Variants in CTNNA3 observed in about 807,000 individuals in gnomAD.
CTNNA3 encodes the protein catenin alpha-3.
Under a neutral mutation model 95.7 loss-of-function variants are expected in CTNNA3, and 76 were observed. The ratio of observed to expected loss-of-function variants is 0.79; its 90% CI spans 0.66 to 0.96. The LOEUF is 0.96. CTNNA3 is among the 40% of genes least tolerant of loss of function. The pLI, the probability that CTNNA3 is intolerant of heterozygous loss-of-function variation, is 0.00. For missense variants in CTNNA3, 1,191 were observed against 1,089.8 expected (o/e 1.09, Z -1.31); for synonymous variants, 431 against 374.4 (o/e 1.15, Z -1.74).
chr10:66,274,234 G>GA (rs1217018967), intron 13 of CTNNA3, among the ~76,000 whole-genome samples: 2 of 113,234 alleles, frequency 1.8e-5, no homozygotes, highest in Non-Finnish European at 3.4e-5. Context: ...GTTTCAATAT[G>GA]ATTTATGGAC....
chr10:67,660,276 T>C (rs575674941), intron 1 of CTNNA3, among the ~76,000 whole-genome samples: 5 of 152,320 alleles, frequency 3.3e-5, no homozygotes, highest in Non-Finnish European at 1.5e-5. Context: ...AAATATCCTC[T>C]CTATAGGAAA....
intron 9 of CTNNA3, among the ~76,000 whole-genome samples, chr10:66,629,688 C>G (rs914391204): frequency 6.6e-6 from 1 of 152,018 alleles, no homozygotes; most frequent in Non-Finnish European, 1.5e-5. Context: ...TGCAGTCTGG[C>G]CTGAGAGTCA....
At chr10:66,061,281 C>T (rs1271938080) in intron 15 of CTNNA3, among the ~76,000 whole-genome samples, 1 of 152,134 alleles carries the variant, frequency 6.6e-6, no homozygotes, top group Non-Finnish European at 1.5e-5. Context: ...TCAGTTTAGG[C>T]TGGAAGGTCA....
intron 5 of CTNNA3, among the ~76,000 whole-genome samples, chr10:67,513,180 T>C (rs542648502): frequency 6.6e-6 from 1 of 152,230 alleles, no homozygotes; most frequent in Admixed American, 6.5e-5. Context: ...TGCAACAAGG[T>C]TCCTACAGAC....
chr10:66,380,418 TG>T (rs2092828344), intron 11 of CTNNA3, among the ~76,000 whole-genome samples: 1 of 151,980 alleles, frequency 6.6e-6, no homozygotes, highest in African/African-American at 2.4e-5. Flanking sequence ...AAGACCAGCC[TG>T]GAAAACACAG....
At chr10:66,291,951 T>C (rs200547637) in intron 12 of CTNNA3, among the ~76,000 whole-genome samples, 4 of 151,266 alleles carry the variant, frequency 2.6e-5, no homozygotes, top group African/African-American at 9.7e-5. Context: ...ATATCTCATA[T>C]TGTATATCAA....
intron 1 of CTNNA3, among the ~76,000 whole-genome samples, chr10:67,667,087 A>G (rs1265380349): frequency 6.6e-6 from 1 of 152,200 alleles, no homozygotes; most frequent in Non-Finnish European, 1.5e-5. Flanking sequence ...ATTATATGAC[A>G]TTTGTAACCT....
chr10:66,105,048 C>T (rs146703681), intron 13 of CTNNA3, among the ~76,000 whole-genome samples: 1 of 152,266 alleles, frequency 6.6e-6, no homozygotes, highest in African/African-American at 2.4e-5. Context: ...AATACCCATC[C>T]CTTTGCAGAA....
At chr10:66,499,783 C>T (rs1840216602) in intron 11 of CTNNA3, among the ~76,000 whole-genome samples, 1 of 150,980 alleles carries the variant, frequency 6.6e-6, no homozygotes. Flanking sequence ...ATAAATGGTT[C>T]CACACATTAA....
chr10:67,596,042 T>A (rs1484729110), intron 3 of CTNNA3, among the ~76,000 whole-genome samples: 1 of 152,200 alleles, frequency 6.6e-6, no homozygotes, highest in Non-Finnish European at 1.5e-5. Context: ...GATGGGTCTC[T>A]TGAAGACAGC....
At chr10:66,055,389 T>C (rs1053184971) in intron 15 of CTNNA3, among the ~76,000 whole-genome samples, 2 of 152,212 alleles carry the variant, frequency 1.3e-5, no homozygotes, top group Admixed American at 6.5e-5. Flanking sequence ...TCCCCTTCAA[T>C]TTCTTTCATC....
intron 11 of CTNNA3, among the ~76,000 whole-genome samples, chr10:66,424,116 T>C (rs1246717752): frequency 3.3e-5 from 5 of 152,130 alleles, no homozygotes; most frequent in African/African-American, 1.2e-4. Context: ...CTAAGGTTTT[T>C]CACAGTATTC....
At chr10:66,448,651 G>A (rs1165805251) in intron 11 of CTNNA3, among the ~76,000 whole-genome samples, 1 of 151,308 alleles carries the variant, frequency 6.6e-6, no homozygotes, top group East Asian at 2.0e-4. Flanking sequence ...CACAGGAAGG[G>A]GAACATCACA....
chr10:67,004,452 C>CT (rs1564825260), intron 7 of CTNNA3, among the ~76,000 whole-genome samples: 1 of 152,204 alleles, frequency 6.6e-6, no homozygotes, highest in African/African-American at 2.4e-5. Context: ...GGCATGGTGT[C>CT]TGATACTTCA....
At chr10:65,989,678 G>T (rs2078499507) in intron 15 of CTNNA3, among the ~76,000 whole-genome samples, 1 of 152,022 alleles carries the variant, frequency 6.6e-6, no homozygotes, top group South Asian at 2.1e-4. Context: ...GTTATTTAGG[G>T]TATCTGTCAC....
intron 11 of CTNNA3, among the ~76,000 whole-genome samples, chr10:66,424,211 C>T (rs961335824): frequency 4.6e-5 from 7 of 151,940 alleles, no homozygotes; most frequent in Non-Finnish European, 1.0e-4. Flanking sequence ...AAAAATTATT[C>T]AGTCCTGCAA....
chr10:65,920,705 T>TA (rs1323486869), intron 17 of CTNNA3, 88 bp from the exon 18 acceptor site: 2 of 1,405,172 alleles, frequency 1.4e-6, no homozygotes, highest in African/African-American at 2.8e-5. Context: ...ATGTGCCCGT[T>TA]GCCCCAGCTA....
chr10:66,878,366 T>A (rs1589369118), intron 7 of CTNNA3, among the ~76,000 whole-genome samples: 2 of 152,118 alleles, frequency 1.3e-5, no homozygotes, highest in African/African-American at 4.8e-5. Flanking sequence ...TGAAAACATA[T>A]GAAACAGAGC....
Position 67,145,242 on chromosome 10 carries a change from A to C in CTNNA3, c.1047+35075T>G, listed in dbSNP as rs552363262. Reference sequence around the variant, plus strand: ...ACATATATAATACTAATAAAGGTTAAAATATTCTGATAATTGCCAAAGCGT... The same window carrying C: ...ACATATATAATACTAATAAAGGTTACAATATTCTGATAATTGCCAAAGCGT... On this transcript the variant is annotated intron_variant, in intron 7 of 17. Coordinates refer to ENST00000433211, the MANE Select transcript of CTNNA3 (RefSeq NM_013266.4). Among the ~76,000 whole-genome samples, 82 of 152,288 alleles carry C rather than the reference A, an allele frequency of 5.4e-4. 1 individual carries two copies. Among genetic ancestry groups the C allele is most frequent in the African/African-American group, 1.9e-3 (80 of 41,554 alleles).
Sources: gnomAD v4.1 joint callset for allele counts (sites outside exome capture counted in the v4.1 genomes callset) on GRCh38, gnomAD v4.1.1 for gene constraint, MANE v1.5 for transcripts, NCBI Gene and HGNC (gene_info 2026-07-23, HGNC 2026-07-21) for gene names.